SORCS2: variants seen among roughly 807,000 people sequenced by gnomAD.
SORCS2 encodes the protein VPS10 domain-containing receptor SorCS2.
SORCS2 carries 100 observed loss-of-function variants against 141.6 expected under a neutral mutation model. The ratio of observed to expected loss-of-function variants is 0.71; its 90% CI spans 0.60 to 0.83. The LOEUF (loss-of-function observed/expected upper bound fraction) is 0.83, where lower values mean the gene tolerates loss of function less well. SORCS2 is among the 40% of genes least tolerant of loss of function. SORCS2 has a pLI of 0.00. For missense variants in SORCS2, 1,646 were observed against 1,560.2 expected (o/e 1.05, Z -0.93); for synonymous variants, 789 against 676.9 (o/e 1.17, Z -2.57).
At chr4:7,436,937 C>T (rs1302369748) in intron 2 of SORCS2, among the ~76,000 whole-genome samples, 1 of 151,988 alleles carries the variant, frequency 6.6e-6, no homozygotes, top group African/African-American at 2.4e-5. Context: ...GATCGCTTTC[C>T]AAAGTGGTTG....
chr4:7,739,838 C>T (rs750784455), intron 26 of SORCS2, among the ~76,000 whole-genome samples: 25 of 152,172 alleles, frequency 1.6e-4, no homozygotes, highest in Middle Eastern at 3.2e-3. Flanking sequence ...CGCCACTCTA[C>T]GCCCTGCAGC....
At chr4:7,535,262 G>C (rs1712020992) in intron 3 of SORCS2, among the ~76,000 whole-genome samples, 1 of 152,236 alleles carries the variant, frequency 6.6e-6, no homozygotes, top group Non-Finnish European at 1.5e-5. Context: ...ATCTGAACTT[G>C]TTGCTTCCAA....
At chr4:7,212,711 T>C (rs1728125343) in intron 1 of SORCS2, among the ~76,000 whole-genome samples, 1 of 152,236 alleles carries the variant, frequency 6.6e-6, no homozygotes. Context: ...AAACCCATCA[T>C]GTTGGCCAGG....
Position 7,355,308 on chromosome 4 carries a change from A to C in SORCS2, c.481-40980A>C, listed in dbSNP as rs1034224421. On this transcript the variant is annotated intron_variant, in intron 1 of 26. Coordinates refer to ENST00000507866, the MANE Select transcript of SORCS2 (RefSeq NM_020777.3). ...TTATGGCATCCCACCCCGCCCCACC[A>C]TCGCACAGATCTCTCTGGCTTGAGA... Among the ~76,000 whole-genome samples the C allele has an allele frequency of 2.2e-4, 34 of 152,116 alleles. 1 individual carries two copies. Among genetic ancestry groups the C allele is most frequent in the Admixed American group, 9.8e-4 (15 of 15,270 alleles).
At chr4:7,316,408 C>G (rs62277340) in intron 1 of SORCS2, among the ~76,000 whole-genome samples, 90,189 of 151,332 alleles carry the variant, frequency 0.6, 26,899 homozygotes, top group South Asian at 0.72. Flanking sequence ...CTTCCATTGA[C>G]AATCTTCTAT....
At chr4:7,736,784 T>A (rs867698652) in intron 25 of SORCS2, among the ~76,000 whole-genome samples, 1 of 152,120 alleles carries the variant, frequency 6.6e-6, no homozygotes. Context: ...ATGCCCACGC[T>A]TCGATTCTCA....
At chr4:7,400,937 GGATA>G (rs1013044920) in intron 2 of SORCS2, among the ~76,000 whole-genome samples, 25 of 151,370 alleles carry the variant, frequency 1.7e-4, no homozygotes, top group African/African-American at 5.8e-4. Flanking sequence ...ATGGATGAAT[GGATA>G]GATAGATGGA....
chr4:7,616,004 C>A (rs919276921), intron 3 of SORCS2, among the ~76,000 whole-genome samples: 1 of 152,150 alleles, frequency 6.6e-6, no homozygotes, highest in Non-Finnish European at 1.5e-5. Context: ...ATACTTATTA[C>A]TAAAAAAAGT....
intron 2 of SORCS2, among the ~76,000 whole-genome samples, chr4:7,449,772 G>A (rs758211744): frequency 1.3e-4 from 19 of 151,996 alleles, no homozygotes; most frequent in Non-Finnish European, 8.8e-5. Context: ...CTCGGAAATC[G>A]CTCCAGTGTT....
chr4:7,254,713 G>A (rs548375258), intron 1 of SORCS2, among the ~76,000 whole-genome samples: 2 of 152,212 alleles, frequency 1.3e-5, no homozygotes, highest in Non-Finnish European at 2.9e-5. Context: ...CGTGACTTTG[G>A]ATGCTCTGAG....
chr4:7,288,021 G>A (rs1181897178), intron 1 of SORCS2, among the ~76,000 whole-genome samples: 1 of 152,190 alleles, frequency 6.6e-6, no homozygotes, highest in African/African-American at 2.4e-5. Flanking sequence ...TGTCCCCGCC[G>A]TCGATGGCAG....
At chr4:7,740,092 C>T (rs1210960592) in intron 26 of SORCS2, 108 bp from the exon 27 acceptor site, 2 of 892,000 alleles carry the variant, frequency 2.2e-6, no homozygotes, top group African/African-American at 1.6e-5. Context: ...GGGAGGCCCA[C>T]TGCACGTTGG....
At chr4:7,705,256 G>T (rs1226950256) in intron 14 of SORCS2, among the ~76,000 whole-genome samples, 2 of 152,122 alleles carry the variant, frequency 1.3e-5, no homozygotes, top group Admixed American at 6.5e-5. Flanking sequence ...GCTGGAAGGG[G>T]CAGGAAGCCT....
At position 7,712,602 on chromosome 4, in the gene SORCS2, C is replaced by G. The variant is rs529672017; in HGVS notation, c.1869-131C>G. 374 of 1,357,830 alleles carry G rather than the reference C, an allele frequency of 2.8e-4. 2 individuals are homozygous for G. The highest frequency in any genetic ancestry group is 1.9e-3 in the Middle Eastern group (10 of 5,384). The allele number at this position is 1,357,830 out of a possible 1,614,324, so 84.1% of individuals were successfully genotyped here. ...GGGGCAGCCTCGCTCTGATCTCCAGCAAGGGCAGGAGAAGGATATCTGTGC... is the reference window on the plus strand; with the variant it reads ...GGGGCAGCCTCGCTCTGATCTCCAGGAAGGGCAGGAGAAGGATATCTGTGC... On this transcript the variant is annotated intron_variant, in intron 14 of 26. Coordinates refer to ENST00000507866, the MANE Select transcript of SORCS2 (RefSeq NM_020777.3).
chr4:7,503,895 C>T (rs538902686), intron 2 of SORCS2, among the ~76,000 whole-genome samples: 204 of 152,286 alleles, frequency 1.3e-3, no homozygotes, highest in Non-Finnish European at 2.0e-3. Flanking sequence ...GGGTTGGCAG[C>T]GTCGGGGGGC....
intron 2 of SORCS2, among the ~76,000 whole-genome samples, chr4:7,413,376 G>T (rs1042766133): frequency 1.6e-5 from 2 of 127,800 alleles, no homozygotes; most frequent in Admixed American, 8.1e-5. Context: ...ATGATCCTCC[G>T]TATTTTCACA....
At position 7,259,818 on chromosome 4, in the gene SORCS2, G is replaced by A. The variant is rs80178626; in HGVS notation, c.480+66692G>A. ...AGGACCTGAGACTCTGAGAGGAGAA[G>A]TCGGCCCCCTGCACTGCTGTGGATG... On this transcript the variant is annotated intron_variant, in intron 1 of 26. Coordinates refer to ENST00000507866, the MANE Select transcript of SORCS2 (RefSeq NM_020777.3). 3.9e-3 allele frequency among the ~76,000 whole-genome samples: 595 copies of A among 152,358 alleles called. 2 individuals are homozygous for A. The highest frequency in any genetic ancestry group is 0.014 in the African/African-American group (567 of 41,578).
chr4:7,537,348 G>A (rs1712217107), intron 3 of SORCS2, among the ~76,000 whole-genome samples: 1 of 152,224 alleles, frequency 6.6e-6, no homozygotes, highest in Non-Finnish European at 1.5e-5. Context: ...GAAAGAGGAT[G>A]CCTGTGGGCA....
chr4:7,735,151 G>C (rs772690604), intron 25 of SORCS2, among the ~76,000 whole-genome samples: 34 of 152,354 alleles, frequency 2.2e-4, no homozygotes, highest in Non-Finnish European at 4.7e-4. Context: ...TGCAAACGCA[G>C]CTCCCAGATT....
Sources: allele counts gnomAD v4.1 joint callset (sites outside exome capture counted in the v4.1 genomes callset), GRCh38; gene constraint gnomAD v4.1.1; transcripts MANE v1.5; gene names NCBI Gene and HGNC (gene_info 2026-07-23, HGNC 2026-07-21).